The following BRD4 variants were observed in gnomAD, a reference collection of about 807,000 sequenced individuals.
BRD4 encodes the protein bromodomain containing 4.
In BRD4, 16 loss-of-function variants were observed where a neutral mutation model predicts 142.1. The observed-to-expected ratio is 0.11, with a 90% CI of 0.08 to 0.17. The LOEUF is 0.17. BRD4 is among the 10% of genes least tolerant of loss of function. The pLI, the probability that BRD4 is intolerant of heterozygous loss-of-function variation, is 1.00. For missense variants in BRD4, 1,424 were observed against 1,810.9 expected (o/e 0.79, Z 3.88); for synonymous variants, 833 against 707.5 (o/e 1.18, Z -2.82).
chr19:15,305,274 C>T (rs1319821311), intron 1 of BRD4, among the ~76,000 whole-genome samples: 2 of 152,150 alleles, frequency 1.3e-5, no homozygotes, highest in African/African-American at 4.8e-5. Flanking sequence ...AACTCCTGAC[C>T]TCAGGTGATC....
intron 1 of BRD4, among the ~76,000 whole-genome samples, chr19:15,290,673 T>C (rs544653928): frequency 5.3e-5 from 8 of 152,178 alleles, no homozygotes; most frequent in Non-Finnish European, 1.0e-4. Context: ...AGGCTGGGAC[T>C]CTGCCTCAGA....
intron 11 of BRD4, chr19:15,253,399 T>TGCCTCC: frequency 1.5e-6 from 1 of 671,846 alleles, no homozygotes; most frequent in Non-Finnish European, 2.5e-6. Flanking sequence ...CATCACTACC[T>TGCCTCC]GCCTCCACCT....
intron 11 of BRD4, chr19:15,249,396 G>A (rs2145539847): frequency 6.3e-7 from 1 of 1,582,068 alleles, no homozygotes; most frequent in Non-Finnish European, 8.6e-7. Flanking sequence ...CCTGCGCCCT[G>A]GTGGCTGATG....
At chr19:15,313,123 C>T (rs1284049226) in intron 1 of BRD4, among the ~76,000 whole-genome samples, 1 of 151,654 alleles carries the variant, frequency 6.6e-6, no homozygotes, top group Non-Finnish European at 1.5e-5. Flanking sequence ...CGTAATCCCA[C>T]CACTTTGGGA....
At position 15,255,361 on chromosome 19, in the gene BRD4, C is replaced by T. The variant is rs555646889; in HGVS notation, c.1983G>A (p.Pro661=). Reference sequence around the variant, plus strand: ...AGCGCTCCAGCTCACGCAGTGTGGACGGCTTCAGGGTCTCAAAGTCGATTT... The same window carrying T: ...AGCGCTCCAGCTCACGCAGTGTGGATGGCTTCAGGGTCTCAAAGTCGATTT... ...EIEIDFETLK[P]STLRELERYV... The change falls in exon 10 of 20, where the codon CCG becomes CCA. Residue 661 remains proline, a synonymous_variant. Coordinates refer to ENST00000679869, the MANE Select transcript of BRD4 (RefSeq NM_001379291.1). The T allele has an allele frequency of 1.1e-4, 176 of 1,614,060 alleles. 1 individual carries two copies. The South Asian group carries it at 1.4e-3, about 13-fold the overall frequency.
chr19:15,301,983 A>G (rs2047872539), intron 1 of BRD4, among the ~76,000 whole-genome samples: 1 of 152,056 alleles, frequency 6.6e-6, no homozygotes, highest in African/African-American at 2.4e-5. Flanking sequence ...CCTGGCCAAC[A>G]TGGTAAAACT....
chr19:15,259,841 T>C (rs1439002138), intron 7 of BRD4, among the ~76,000 whole-genome samples: 1 of 152,202 alleles, frequency 6.6e-6, no homozygotes, highest in Non-Finnish European at 1.5e-5. Context: ...GGGGTTGCCA[T>C]GAACTGGAAG....
intron 1 of BRD4, among the ~76,000 whole-genome samples, chr19:15,317,414 C>T (rs974516197): frequency 1.3e-5 from 2 of 152,184 alleles, no homozygotes; most frequent in Non-Finnish European, 2.9e-5. Context: ...GGATGTCTGG[C>T]TCCACCACTT....
At chr19:15,283,431 T>C (rs769330063) in intron 1 of BRD4, among the ~76,000 whole-genome samples, 4 of 152,176 alleles carry the variant, frequency 2.6e-5, no homozygotes, top group Non-Finnish European at 4.4e-5. Flanking sequence ...AATTTAAAAC[T>C]ATAAAAATTT....
Position 15,332,498 on chromosome 19 carries a change from C to A in BRD4, c.-243G>T. ...GGCTGCGGGAGACCAGAACAAACAG[C>A]CCAGCCGCCGCCGCCGCCGCCGCCG... On this transcript the variant is annotated 5_prime_UTR_variant, in exon 1 of 20. Transcript: ENST00000679869. 7.1e-6 allele frequency: 1 copy of A among 140,748 alleles called. No homozygotes were observed. Among genetic ancestry groups the A allele is most frequent in the South Asian group, 1.8e-4 (1 of 5,416 alleles). 8.7% of individuals were successfully genotyped at this position (140,748 alleles called of 1,614,324 possible). A position where few individuals can be genotyped will look rare whatever the true frequency, so the allele number is the denominator to read the frequency against.
intron 1 of BRD4, among the ~76,000 whole-genome samples, chr19:15,325,187 T>C (rs1157922330): frequency 1.3e-5 from 2 of 152,224 alleles, no homozygotes; most frequent in East Asian, 3.8e-4. Flanking sequence ...TAACCTCATC[T>C]GAAAGATGGG....
chr19:15,305,049 G>A (rs969733961), intron 1 of BRD4, among the ~76,000 whole-genome samples: 3 of 139,496 alleles, frequency 2.2e-5, no homozygotes, highest in Middle Eastern at 3.8e-3. Context: ...TTTTTGAGAC[G>A]GAGTTGTTGC....
At chr19:15,302,613 G>A (rs2047878713) in intron 1 of BRD4, among the ~76,000 whole-genome samples, 2 of 139,662 alleles carry the variant, frequency 1.4e-5, no homozygotes, top group South Asian at 2.3e-4. Context: ...AAGTTGCAGT[G>A]AGCTGAGATC....
chr19:15,310,357 T>TCCCCC (rs1568407743), intron 1 of BRD4, among the ~76,000 whole-genome samples: 1 of 51,308 alleles, frequency 1.9e-5, no homozygotes. Flanking sequence ...GATTTTTGGA[T>TCCCCC]TCCCCCCCCC....
At chr19:15,312,551 G>A (rs1186405893) in intron 1 of BRD4, among the ~76,000 whole-genome samples, 2 of 151,792 alleles carry the variant, frequency 1.3e-5, no homozygotes, top group Non-Finnish European at 2.9e-5. Flanking sequence ...AGAATTGCTT[G>A]AACGCGGGAG....
Position 15,243,237 on chromosome 19 carries a change from T to C in BRD4, c.2832A>G (p.Leu944=). ...QLQKVQPPTP[L]LPSVKVQSQP... is the part of the protein sequence containing the mutation. ...GGGACTGCACCTTCACGGAAGGGAG[T>C]AGCGGCGTAGGGGGCTGCACCTTCT... The change falls in exon 14 of 20, where the codon CTA becomes CTG. Residue 944 remains leucine (L), a synonymous_variant. Coordinates refer to ENST00000679869, the MANE Select transcript of BRD4 (RefSeq NM_001379291.1). The C allele has an allele frequency of 1.4e-6, 2 of 1,382,698 alleles. No individual in the cohort carries two copies. Among genetic ancestry groups the C allele is most frequent in the Non-Finnish European group, 1.9e-6 (2 of 1,037,392 alleles). 85.7% of individuals were successfully genotyped at this position (1,382,698 alleles called of 1,614,324 possible).
chr19:15,284,526 A>G lies in BRD4; in HGVS notation c.-34-11393T>C, dbSNP rs552588833. On this transcript the variant is annotated intron_variant, in intron 1 of 19. Coordinates refer to ENST00000679869, the MANE Select transcript of BRD4 (RefSeq NM_001379291.1). ...ACTTTACAGAAGCCTTTGATGGTCA[A>G]TGCCGTCCTAGGTAAACAGGCCAAG... Among the ~76,000 whole-genome samples the G allele has an allele frequency of 2.0e-5, 3 of 152,310 alleles. No homozygotes were observed. In the East Asian group the frequency reaches 5.8e-4, roughly 29 times the overall value.
chr19:15,254,836 T>C (rs1048780745), intron 10 of BRD4, among the ~76,000 whole-genome samples: 4 of 152,156 alleles, frequency 2.6e-5, no homozygotes, highest in Admixed American at 6.5e-5. Flanking sequence ...CAGGATGAGC[T>C]GTGTGACACA....
chr19:15,264,394 T>A lies in BRD4; in HGVS notation c.1212+10A>T, dbSNP rs151188744. 4.6e-4 allele frequency: 732 copies of A among 1,584,478 alleles called. 14 individuals are homozygous for A. In the South Asian group the frequency reaches 7.9e-3, roughly 17 times the overall value. On this transcript the variant is annotated intron_variant, in intron 6 of 19. Coordinates refer to ENST00000679869, the MANE Select transcript of BRD4 (RefSeq NM_001379291.1). Reference sequence around the variant, plus strand: ...CACCTTGTCCCTTCCCTCAGGCACATCCCGCTAACCTTGATTGTGCTCATG... The same window carrying A: ...CACCTTGTCCCTTCCCTCAGGCACAACCCGCTAACCTTGATTGTGCTCATG...
Sources: gnomAD v4.1 joint callset for allele counts (sites outside exome capture counted in the v4.1 genomes callset) on GRCh38, gnomAD v4.1.1 for gene constraint, MANE v1.5 for transcripts, NCBI Gene and HGNC (gene_info 2026-07-23, HGNC 2026-07-21) for gene names.